Variants in KLF8 observed in about 807,000 individuals in gnomAD.
The protein encoded by KLF8 is KLF transcription factor 8, also known as Krueppel-like factor 8.
Under a neutral mutation model 18.2 loss-of-function variants are expected in KLF8, and 10 were observed. That is an observed-to-expected ratio of 0.55 (90% CI 0.34 to 0.93). The LOEUF is 0.93. Ranked by LOEUF, KLF8 falls within the 40% of genes least tolerant of loss-of-function variation. The pLI is 0.02. For missense variants in KLF8, 264 were observed against 277.9 expected, an observed-to-expected ratio of 0.95 and a Z score of 0.36; for synonymous variants, 109 against 97.3, an observed-to-expected ratio of 1.12 and a Z score of -0.71.
At chrX:56,164,729 C>CTTTTTTTTTTTTTTTTTTTTATTTT in the KLF8 span, among the ~76,000 whole-genome samples, 9 of 51,898 alleles carry the variant, frequency 1.7e-4, no homozygotes, top group East Asian at 6.3e-4. Context: ...CTTGTTATCT[C>CTTTTTTTTTTTTTTTTTTTTATTTT]TTTTTTTTTT....
chrX:56,216,771 T>C, the KLF8 span, among the ~76,000 whole-genome samples: 13 of 110,413 alleles, frequency 1.2e-4, no homozygotes, highest in Non-Finnish European at 2.3e-4. Flanking sequence ...TCTTGCTCAC[T>C]TTCCTCCAAT....
the KLF8 span, among the ~76,000 whole-genome samples, chrX:55,972,265 A>G: frequency 3.6e-5 from 4 of 111,578 alleles, no homozygotes; most frequent in South Asian, 1.5e-3. Flanking sequence ...CATTATTTTC[A>G]GTGAAATAAG....
chrX:56,223,871 G>A, the KLF8 span, among the ~76,000 whole-genome samples: 1 of 111,861 alleles, frequency 8.9e-6, no homozygotes. Context: ...TTTTGTTGTT[G>A]TTTTTTGTAG....
At chrX:56,204,081 T>G in the KLF8 span, among the ~76,000 whole-genome samples, 7 of 111,660 alleles carry the variant, frequency 6.3e-5, no homozygotes, top group Non-Finnish European at 1.3e-4. Context: ...CAATTTTTAG[T>G]GTTCTCTTAA....
chrX:56,165,646 C>T, the KLF8 span, among the ~76,000 whole-genome samples: 1 of 111,429 alleles, frequency 9.0e-6, no homozygotes, highest in African/African-American at 3.3e-5. Flanking sequence ...TTGAGGATTG[C>T]TTGAGGGCAG....
chrX:56,250,300 A>C lies in KLF8; in HGVS notation c.77A>C (p.Lys26Thr), dbSNP rs1438658965. ...NSEGGSMQVF[K>T]QVTASVRNRD... ...GAAGGTGGCTCAATGCAGGTATTCA[A>C]GCAGGTCAGTTATCAGGAAAATAGG... Residue 26 changes from lysine to threonine, a missense_variant, in exon 2 of 6, where the codon AAG becomes ACG. Coordinates refer to ENST00000468660, the MANE Select transcript of KLF8 (RefSeq NM_007250.5). The C allele has an allele frequency of 3.1e-5, 37 of 1,196,296 alleles. No individual in the cohort carries two copies. The highest frequency in any genetic ancestry group is 4.1e-5 in the Non-Finnish European group (36 of 881,412).
At chrX:55,974,495 A>G in the KLF8 span, among the ~76,000 whole-genome samples, 2 of 111,880 alleles carry the variant, frequency 1.8e-5, no homozygotes, top group Non-Finnish European at 3.8e-5. Flanking sequence ...CAGGGTAGCT[A>G]GGATCATTTC....
At chrX:56,046,792 C>G in the KLF8 span, among the ~76,000 whole-genome samples, 1 of 111,356 alleles carries the variant, frequency 9.0e-6, no homozygotes, top group Non-Finnish European at 1.9e-5. Flanking sequence ...GATGCTTTTA[C>G]CTCACAGCTG....
the KLF8 span, among the ~76,000 whole-genome samples, chrX:55,940,973 C>T: frequency 4.5e-5 from 5 of 111,477 alleles, no homozygotes; most frequent in Non-Finnish European, 9.4e-5. Context: ...AGATTCAATG[C>T]CATCCCCATC....
At chrX:56,276,087 C>T (rs914987280) in intron 5 of KLF8, among the ~76,000 whole-genome samples, 10 of 110,776 alleles carry the variant, frequency 9.0e-5, no homozygotes, top group Admixed American at 5.8e-4. Flanking sequence ...TGTTAGAATT[C>T]GACAGTGAAG....
chrX:55,918,264 G>A, the KLF8 span, among the ~76,000 whole-genome samples: 9 of 111,786 alleles, frequency 8.1e-5, no homozygotes, highest in Non-Finnish European at 1.3e-4. Flanking sequence ...GAGGGAATAA[G>A]TCAATCAATG....
At chrX:56,100,689 A>C in the KLF8 span, among the ~76,000 whole-genome samples, 1 of 111,993 alleles carries the variant, frequency 8.9e-6, no homozygotes, top group African/African-American at 3.2e-5. Flanking sequence ...GAATTCAGCC[A>C]AAGAAACACC....
At chrX:55,922,910 CAG>C in the KLF8 span, among the ~76,000 whole-genome samples, 1 of 111,979 alleles carries the variant, frequency 8.9e-6, no homozygotes, top group Non-Finnish European at 1.9e-5. Flanking sequence ...TTGTGGAAGA[CAG>C]TGTGGCGATT....
chrX:56,175,387 T>A, the KLF8 span, among the ~76,000 whole-genome samples: 2 of 112,138 alleles, frequency 1.8e-5, no homozygotes, highest in African/African-American at 6.5e-5. Flanking sequence ...GTTGCTCAGT[T>A]TCCATGTAGT....
At chrX:55,960,887 G>A in the KLF8 span, among the ~76,000 whole-genome samples, 1 of 111,500 alleles carries the variant, frequency 9.0e-6, no homozygotes, top group Non-Finnish European at 1.9e-5. Flanking sequence ...AAAAGGCACA[G>A]AGTATCAAGC....
At chrX:55,920,846 T>C in the KLF8 span, among the ~76,000 whole-genome samples, 1 of 112,123 alleles carries the variant, frequency 8.9e-6, no homozygotes, top group South Asian at 3.7e-4. Flanking sequence ...GAAAAACATA[T>C]TTGAGGGAAT....
the KLF8 span, among the ~76,000 whole-genome samples, chrX:56,092,239 T>C: frequency 8.9e-6 from 1 of 111,835 alleles, no homozygotes; most frequent in East Asian, 2.8e-4. Flanking sequence ...GATAAATAAC[T>C]TGCAAATACT....
the KLF8 span, among the ~76,000 whole-genome samples, chrX:56,185,974 C>T: frequency 9.0e-6 from 1 of 111,641 alleles, no homozygotes; most frequent in Non-Finnish European, 1.9e-5. Context: ...AACTAACGAG[C>T]AAAAAAACCA....
chrX:56,088,853 C>G, the KLF8 span, among the ~76,000 whole-genome samples: 3 of 111,364 alleles, frequency 2.7e-5, no homozygotes, highest in East Asian at 2.8e-4. Context: ...AACAGCCTCA[C>G]TATGATTTCT....
Sources: allele counts gnomAD v4.1 joint callset (sites outside exome capture counted in the v4.1 genomes callset), GRCh38; gene constraint gnomAD v4.1.1; transcripts MANE v1.5; gene names NCBI Gene and HGNC (gene_info 2026-07-23, HGNC 2026-07-21).